ARFGEF1: variants seen among roughly 807,000 people sequenced by gnomAD.
ARFGEF1 encodes the protein brefeldin A-inhibited guanine nucleotide-exchange protein 1.
A neutral mutation model predicts 231.0 loss-of-function variants in ARFGEF1; 42 were observed. That is an observed-to-expected ratio of 0.18 (90% confidence interval 0.14 to 0.24). The LOEUF (loss-of-function observed/expected upper bound fraction) is 0.24. Among genes scored for constraint, ARFGEF1 ranks in the 10% least tolerant of loss-of-function variants. The pLI, the probability that ARFGEF1 is intolerant of heterozygous loss-of-function variation, is 1.00. For synonymous variants in ARFGEF1, 710 were observed against 732.3 expected (o/e 0.97, Z 0.49); for missense variants, 1,345 against 2,192.0 (o/e 0.61, Z 7.72).
At chr8:67,249,132 C>T (rs774549924) in intron 19 of ARFGEF1, among the ~76,000 whole-genome samples, 7 of 150,178 alleles carry the variant, frequency 4.7e-5, no homozygotes, top group Admixed American at 6.7e-5. Context: ...TTCCTTATCT[C>T]GTACATGTAT....
downstream of ARFGEF1, chr8:67,196,287 T>TCTAGA (rs1260784246): frequency 6.6e-6 from 1 of 152,258 alleles, no homozygotes; most frequent in East Asian, 1.9e-4. Flanking sequence ...TATGGAGCTT[T>TCTAGA]CTAGACTAGT....
chr8:67,175,778 C>T (rs755853995), intron 5 of ARFGEF1, among the ~76,000 whole-genome samples: 24 of 152,152 alleles, frequency 1.6e-4, no homozygotes, highest in Non-Finnish European at 2.6e-4. Flanking sequence ...CATGATGTGT[C>T]GGGCATTTGC....
At chr8:67,279,350 A>G (rs1341427705) in intron 7 of ARFGEF1, among the ~76,000 whole-genome samples, 1 of 152,160 alleles carries the variant, frequency 6.6e-6, no homozygotes, top group East Asian at 1.9e-4. Flanking sequence ...TGTCTCTTGC[A>G]GCACCACAAA....
intron 27 of ARFGEF1, among the ~76,000 whole-genome samples, chr8:67,226,613 T>C (rs967407916): frequency 1.3e-5 from 2 of 152,170 alleles, no homozygotes; most frequent in African/African-American, 4.8e-5. Context: ...ATGATAGCTA[T>C]GATGATGCCA....
chr8:67,305,143 C>A (rs1288785085), intron 1 of ARFGEF1, among the ~76,000 whole-genome samples: 1 of 152,090 alleles, frequency 6.6e-6, no homozygotes, highest in East Asian at 1.9e-4. Flanking sequence ...TACCAAATAT[C>A]ACTAAATAAC....
rs756572458 is a variant in ARFGEF1 at position 67,288,026 on chromosome 8, T to C, written c.956A>G (p.His319Arg). Residue 319 changes from histidine to arginine, a missense_variant, in exon 7 of 39, where the codon CAT (histidine) becomes CGT (arginine). Coordinates refer to ENST00000262215, the MANE Select transcript of ARFGEF1 (RefSeq NM_006421.5). ...GTCTTGTGGCTTTTCCTCACAATCA[T>C]GGTTTTCTCCGTCATATAACACTTC... Reference protein sequence around the residue: ...KNEVLYDGENHDCEEKPQDIV... With the variant: ...KNEVLYDGENRDCEEKPQDIV... 2.5e-6 allele frequency: 4 copies of C among 1,608,146 alleles called. No individual in the cohort carries two copies. Among genetic ancestry groups the C allele is most frequent in the East Asian group, 2.2e-5 (1 of 44,628 alleles).
rs1176167354 is a variant in ARFGEF1 at position 67,253,534 on chromosome 8, G to T, written c.2615C>A (p.Ala872Asp). ...TTTCCCAGCTATTTCATTATAGATG[G>T]CTGATAGATACTCTTCAGGAAGGTC... Reference protein sequence around the residue: ...SKDLPEEYLSAIYNEIAGKKI... With the variant: ...SKDLPEEYLSDIYNEIAGKKI... Residue 872 changes from alanine (A) to aspartate (D), a missense_variant, in exon 18 of 39, where the codon GCC (alanine) becomes GAC (aspartate). Ala to Asp is a moderately radical substitution (Grantham distance 126). Transcript: ENST00000262215. 1 of 1,582,010 alleles carries T rather than the reference G, an allele frequency of 6.3e-7. No individual in the cohort carries two copies. Among genetic ancestry groups the T allele is most frequent in the Non-Finnish European group, 8.7e-7 (1 of 1,152,314 alleles).
At chr8:67,334,301 A>G (rs988626578) in intron 1 of ARFGEF1, among the ~76,000 whole-genome samples, 1 of 145,810 alleles carries the variant, frequency 6.9e-6, no homozygotes, top group African/African-American at 2.5e-5. Context: ...AAAAAAAAAA[A>G]CAAAATTGAA....
intron 22 of ARFGEF1, among the ~76,000 whole-genome samples, chr8:67,236,999 TTAGTGTAACCTAATTCTG>T (rs1388010782): frequency 1.3e-5 from 2 of 152,220 alleles, no homozygotes; most frequent in Non-Finnish European, 2.9e-5. Context: ...TGTTTTATTT[TTAGTGTAACCTAATTCTG>T]TAGTCCTACT....
chr8:67,217,665 T>C, intron 32 of ARFGEF1, 117 bp downstream of exon 32: 1 of 1,124,546 alleles, frequency 8.9e-7, no homozygotes, highest in Admixed American at 2.5e-5. Flanking sequence ...TAAGACAAGC[T>C]TAAAAGGATT....
chr8:67,321,857 C>G (rs1258360652), intron 1 of ARFGEF1, among the ~76,000 whole-genome samples: 3 of 152,214 alleles, frequency 2.0e-5, no homozygotes, highest in Non-Finnish European at 4.4e-5. Context: ...CCTACTGGCT[C>G]TAATCCATCT....
At chr8:67,177,645 C>T in intron 5 of ARFGEF1, 2 of 1,473,232 alleles carry the variant, frequency 1.4e-6, no homozygotes, top group East Asian at 4.5e-5. Flanking sequence ...CATTTTCTGA[C>T]CTTTTAATTT....
chr8:67,195,252 C>G (rs1319849985), downstream of ARFGEF1: 9 of 725,388 alleles, frequency 1.2e-5, no homozygotes, highest in Admixed American at 1.7e-4. Flanking sequence ...AACAAACAAA[C>G]AGTAGAGTTC....
intron 30 of ARFGEF1, among the ~76,000 whole-genome samples, chr8:67,218,890 G>GA (rs1448388697): frequency 6.6e-6 from 1 of 152,084 alleles, no homozygotes; most frequent in Non-Finnish European, 1.5e-5. Flanking sequence ...ATGAGGAAAA[G>GA]AAACGAAAAA....
downstream of ARFGEF1, chr8:67,197,627 A>C: frequency 4.1e-6 from 4 of 985,790 alleles, no homozygotes; most frequent in Non-Finnish European, 4.8e-6. Context: ...ATAGACCAGA[A>C]TCAATGAAAC....
At chr8:67,310,865 T>G (rs1352629005) in intron 1 of ARFGEF1, among the ~76,000 whole-genome samples, 7 of 148,426 alleles carry the variant, frequency 4.7e-5, no homozygotes, top group Non-Finnish European at 8.9e-5. Flanking sequence ...GCCTGGCAGC[T>G]GCCCCGTCTG....
intron 33 of ARFGEF1, among the ~76,000 whole-genome samples, chr8:67,216,188 T>C (rs557934132): frequency 1.3e-5 from 2 of 152,208 alleles, no homozygotes; most frequent in Non-Finnish European, 2.9e-5. Context: ...ATATGAATGT[T>C]TGCATTCCCT....
At chr8:67,254,232 G>T (rs370501789) in intron 17 of ARFGEF1, among the ~76,000 whole-genome samples, 1 of 152,162 alleles carries the variant, frequency 6.6e-6, no homozygotes, top group Non-Finnish European at 1.5e-5. Flanking sequence ...TACAAGTTTG[G>T]AGTCTGTAAG....
At chr8:67,210,533 C>T (rs975183175) in intron 34 of ARFGEF1, among the ~76,000 whole-genome samples, 1 of 152,076 alleles carries the variant, frequency 6.6e-6, no homozygotes, top group Non-Finnish European at 1.5e-5. Context: ...TAGAAAGCAA[C>T]GGTCCTTCAC....
Sources: allele counts gnomAD v4.1 joint callset (sites outside exome capture counted in the v4.1 genomes callset), GRCh38; gene constraint gnomAD v4.1.1; transcripts MANE v1.5; gene names NCBI Gene and HGNC (gene_info 2026-07-23, HGNC 2026-07-21).